FAM193A: variants seen among roughly 807,000 people sequenced by gnomAD.
FAM193A encodes the protein protein FAM193A.
In FAM193A, 22 loss-of-function variants were observed where a neutral mutation model predicts 126.5. That is an observed-to-expected ratio of 0.17 (90% CI 0.12 to 0.25). The LOEUF is 0.25. Ranked by LOEUF, FAM193A falls within the 10% of genes least tolerant of loss-of-function variation. The pLI is 1.00. For missense variants in FAM193A, 1,675 were observed against 1,672.8 expected (o/e 1.00, Z -0.02); for synonymous variants, 761 against 646.8 (o/e 1.18, Z -2.68).
rs1194136851 is a variant in FAM193A at position 2,689,698 on chromosome 4, A to G, written c.2524A>G (p.Ile842Val). ...TCCTGGCACTTTCTTGCCAGATACAATTTCTGGTAAGGAATTTGTTAAAAC... is the reference window on the plus strand; with the variant it reads ...TCCTGGCACTTTCTTGCCAGATACAGTTTCTGGTAAGGAATTTGTTAAAAC... ...WNPGTFLPDT[I>V]SGSEILGPTL... Residue 842 changes from isoleucine (I) to valine (V), a missense_variant, in exon 14 of 21, where the codon ATT becomes GTT. Ile to Val is a conservative substitution (Grantham distance 29). Transcript: ENST00000637812. The G allele has an allele frequency of 3.2e-6, 5 of 1,566,366 alleles. No homozygotes were observed. The highest frequency in any genetic ancestry group is 2.3e-5 in the East Asian group (1 of 42,694).
At chr4:2,695,561 G>A (rs183133645) in intron 17 of FAM193A, among the ~76,000 whole-genome samples, 5 of 152,352 alleles carry the variant, frequency 3.3e-5, no homozygotes, top group Non-Finnish European at 5.9e-5. Flanking sequence ...CACTGTTTAA[G>A]AGGGATGGGT....
intron 1 of FAM193A, among the ~76,000 whole-genome samples, chr4:2,557,902 A>G (rs1156550182): frequency 6.6e-6 from 1 of 152,096 alleles, no homozygotes; most frequent in African/African-American, 2.4e-5. Flanking sequence ...CAGTGAGCCA[A>G]GAACGTGCCA....
At position 2,657,893 on chromosome 4, in the gene FAM193A, A is replaced by G. The variant is rs767167248; in HGVS notation, c.1389+13A>G. On this transcript the variant is annotated intron_variant, in intron 8 of 20. Coordinates refer to ENST00000637812, the MANE Select transcript of FAM193A (RefSeq NM_001366318.2). ...CATTGAAGAACAGGTAAGCTTGTCAATAAGAGAGGCAATTAAAGGAAGTAG... is the reference window on the plus strand; with the variant it reads ...CATTGAAGAACAGGTAAGCTTGTCAGTAAGAGAGGCAATTAAAGGAAGTAG... The G allele has an allele frequency of 3.2e-6, 5 of 1,563,870 alleles. No individual in the cohort carries two copies. The highest frequency in any genetic ancestry group is 1.7e-4 in the Middle Eastern group (1 of 5,940).
chr4:2,664,899 G>T (rs1353756613), intron 12 of FAM193A, among the ~76,000 whole-genome samples: 4 of 152,212 alleles, frequency 2.6e-5, no homozygotes, highest in Admixed American at 2.6e-4. Flanking sequence ...GCTGCTCAAA[G>T]TTCTTTGCAT....
rs1737413672 is a variant in FAM193A, at chr4:2,544,234, C to G, written c.255+7064C>G. ...GCATGTCTGTGATTCAGTATTTTTT[C>G]TATGTGTACACCTATGTAATAAATA... On this transcript the variant is annotated intron_variant, in intron 1 of 20. Transcript: ENST00000637812. Among the ~76,000 whole-genome samples the G allele has an allele frequency of 4.6e-5, 7 of 152,234 alleles. No individual in the cohort carries two copies. The South Asian group carries it at 1.5e-3, about 32-fold the overall frequency.
chr4:2,709,064 A>G (rs1055082066), intron 19 of FAM193A, among the ~76,000 whole-genome samples: 1 of 152,160 alleles, frequency 6.6e-6, no homozygotes, highest in African/African-American at 2.4e-5. Context: ...TAATGTTAAA[A>G]AAAAATCCAG....
chr4:2,697,217 A>T (rs945729600), intron 18 of FAM193A, among the ~76,000 whole-genome samples: 4 of 151,858 alleles, frequency 2.6e-5, no homozygotes, highest in Non-Finnish European at 5.9e-5. Flanking sequence ...TTAGCCAGTC[A>T]TGGTGGTGTA....
Position 2,596,326 on chromosome 4 carries a change from A to C in FAM193A, c.498A>C (p.Pro166=). ...AGAGGCATGGCGGCCTTGACCAGCC[A>C]GTGGTGAGTGGCTGCCAGCACAGGC... The part of the protein sequence containing the change: ...KEERHGGLDQ[P]VSQDFLLHSS... The change falls in exon 2 of 21, where the codon CCA becomes CCC. Residue 166 remains proline, a synonymous_variant. Coordinates refer to ENST00000637812, the MANE Select transcript of FAM193A (RefSeq NM_001366318.2). 1.4e-6 allele frequency: 1 copy of C among 701,390 alleles called. No homozygotes were observed. Among genetic ancestry groups the C allele is most frequent in the African/African-American group, 1.7e-5 (1 of 57,364 alleles). The allele number at this position is 701,390 out of a possible 1,614,324, so 43.4% of individuals were successfully genotyped here. A position where few individuals can be genotyped will look rare whatever the true frequency, so the allele number is the denominator to read the frequency against.
chr4:2,599,446 T>C (rs547905737), intron 2 of FAM193A, among the ~76,000 whole-genome samples: 70 of 152,280 alleles, frequency 4.6e-4, no homozygotes, highest in African/African-American at 1.6e-3. Context: ...AGTGCACGGC[T>C]CTCCTGCAGC....
chr4:2,572,271 G>A (rs568705550), intron 1 of FAM193A, among the ~76,000 whole-genome samples: 1 of 150,678 alleles, frequency 6.6e-6, no homozygotes, highest in South Asian at 2.1e-4. Flanking sequence ...AGAGGTTGCC[G>A]TGAGCCAAGA....
rs1476747159 is a variant in FAM193A at position 2,617,257 on chromosome 4, TA to T, written c.502-8004del. On this transcript the variant is annotated intron_variant, in intron 2 of 20. Transcript: ENST00000637812. ...TGTTTTTATTATATATATATATATA[TA>T]TATATTTTTTTTTTTTTTTTTTTTT... Among the ~76,000 whole-genome samples the T allele has an allele frequency of 1.4e-4, 8 of 57,690 alleles. 1 individual carries two copies. Among genetic ancestry groups the T allele is most frequent in the African/African-American group, 1.1e-3 (7 of 6,126 alleles). The allele number at this position is 57,690 out of a possible 152,430, so 37.8% of individuals were successfully genotyped here.
intron 2 of FAM193A, among the ~76,000 whole-genome samples, chr4:2,600,228 A>C (rs1192787220): frequency 6.6e-6 from 1 of 152,114 alleles, no homozygotes; most frequent in Non-Finnish European, 1.5e-5. Flanking sequence ...ATCCATCCCT[A>C]TCAGTCCATG....
Position 2,699,718 on chromosome 4 carries a change from C to T in FAM193A, c.3546C>T (p.Ala1182=). The T allele has an allele frequency of 6.2e-7, 1 of 1,613,186 alleles. No homozygotes were observed. The highest frequency in any genetic ancestry group is 8.5e-7 in the Non-Finnish European group (1 of 1,179,766). The change falls in exon 19 of 21, where the codon GCC becomes GCT. Residue 1182 remains alanine (A), a synonymous_variant. Coordinates refer to ENST00000637812, the MANE Select transcript of FAM193A (RefSeq NM_001366318.2). ...CTCGCCTAGAAGCAGAGGCCAGGGC[C>T]CGGGAGCACCTGCACCTCCAGGAGG... ...EKARLEAEAR[A]REHLHLQEEQ...
At position 2,700,198 on chromosome 4, in the gene FAM193A, G is replaced by A. The variant is rs774103875; in HGVS notation, c.4026G>A (p.Gln1342=). ...GAAATGGCAAGCAGAAGCTGAGGCAGACCAGCAAGGCCAGCAGCGAGCCAG... is the reference window on the plus strand; with the variant it reads ...GAAATGGCAAGCAGAAGCTGAGGCAAACCAGCAAGGCCAGCAGCGAGCCAG... ...KEGNGKQKLR[Q]TSKASSEPAR... Residue 1342 remains glutamine, a synonymous_variant, in exon 19 of 21, where the codon CAG becomes CAA. Transcript: ENST00000637812. 3 of 1,613,792 alleles carry A rather than the reference G, an allele frequency of 1.9e-6. No homozygotes were observed. In the African/African-American group the frequency reaches 4.0e-5, roughly 22 times the overall value.
chr4:2,659,619 T>C lies in FAM193A; in HGVS notation c.1451T>C (p.Leu484Ser). Residue 484 changes from leucine (L) to serine (S), a missense_variant, in exon 9 of 21, where the codon TTA becomes TCA. Transcript: ENST00000637812. The stretch of plus-strand genomic sequence containing the variant: ...TTCACAGACACCATGAGGCACATGT[T>C]ATCGTCCCGGCTGAGCATGCCCGAC... ...NNFTDTMRHM[L>S]SSRLSMPDCP... 1 of 1,614,162 alleles carries C rather than the reference T, an allele frequency of 6.2e-7. No homozygotes were observed. The highest frequency in any genetic ancestry group is 8.5e-7 in the Non-Finnish European group (1 of 1,180,040).
At chr4:2,725,322 G>A (rs1317943743) in intron 20 of FAM193A, among the ~76,000 whole-genome samples, 1 of 151,832 alleles carries the variant, frequency 6.6e-6, no homozygotes, top group Non-Finnish European at 1.5e-5. Context: ...GCACACTACT[G>A]TAGTAGTTCC....
intron 7 of FAM193A, among the ~76,000 whole-genome samples, chr4:2,649,133 G>A (rs965175482): frequency 6.6e-6 from 1 of 152,158 alleles, no homozygotes; most frequent in Non-Finnish European, 1.5e-5. Context: ...CAGCACTTTG[G>A]GAGGCTAAGG....
intron 18 of FAM193A, among the ~76,000 whole-genome samples, chr4:2,699,433 A>G (rs1215834056): frequency 1.6e-5 from 1 of 63,254 alleles, no homozygotes; most frequent in Non-Finnish European, 3.3e-5. Flanking sequence ...TTTGTTAACT[A>G]CCACCCCCCC....
chr4:2,631,404 G>C (rs994682938), intron 5 of FAM193A, among the ~76,000 whole-genome samples: 1 of 152,136 alleles, frequency 6.6e-6, no homozygotes, highest in Admixed American at 6.5e-5. Flanking sequence ...CCTCATGGTA[G>C]TACTGTTTGG....
Sources: gnomAD v4.1 joint callset for allele counts (sites outside exome capture counted in the v4.1 genomes callset) on GRCh38, gnomAD v4.1.1 for gene constraint, MANE v1.5 for transcripts, NCBI Gene and HGNC (gene_info 2026-07-23, HGNC 2026-07-21) for gene names.